The following ABHD12 variants were observed in gnomAD, a reference collection of about 807,000 sequenced individuals.
ABHD12 encodes lysophosphatidylserine lipase ABHD12.
In ABHD12, 43 loss-of-function variants were observed where a neutral mutation model predicts 58.3. The observed-to-expected ratio is 0.74, with a 90% CI of 0.58 to 0.95. ABHD12 has a LOEUF of 0.95. Ranked by LOEUF, ABHD12 falls within the 40% of genes least tolerant of loss-of-function variation. The probability of loss-of-function intolerance (pLI) is 0.00; values close to 1 mark genes in which losing one functional copy is unlikely to be tolerated. For synonymous variants in ABHD12, 219 were observed against 211.2 expected, an observed-to-expected ratio of 1.04 and a Z score of -0.32; for missense variants, 539 against 537.2, an observed-to-expected ratio of 1.00 and a Z score of -0.03.
chr20:25,328,581 A>C (rs1207949638), intron 2 of ABHD12, among the ~76,000 whole-genome samples: 11 of 152,216 alleles, frequency 7.2e-5, no homozygotes. Flanking sequence ...CTTGGAACAC[A>C]AACTGTCCAA....
rs1210173743 is a variant in ABHD12, at chr20:25,328,099, T to C, written c.317-4669A>G. The stretch of plus-strand genomic sequence containing the variant: ...TTTGAGTAATAACAAAACGCCAGTC[T>C]CCTGGAAAAAAAAAAAAAAGAACAC... On this transcript the variant is annotated intron_variant, in intron 2 of 12. Coordinates refer to ENST00000339157, the MANE Select transcript of ABHD12 (RefSeq NM_001042472.3). 3.4e-5 allele frequency among the ~76,000 whole-genome samples: 5 copies of C among 148,456 alleles called. No individual in the cohort carries two copies. In the East Asian group the frequency reaches 5.9e-4, roughly 18 times the overall value.
chr20:25,354,305 G>A (rs561962541), intron 1 of ABHD12, among the ~76,000 whole-genome samples: 3 of 152,346 alleles, frequency 2.0e-5, no homozygotes, highest in African/African-American at 7.2e-5. Flanking sequence ...GACGGACACA[G>A]GGTGCACACT....
chr20:25,319,738 A>T (rs1316423713), intron 4 of ABHD12, among the ~76,000 whole-genome samples: 1 of 152,018 alleles, frequency 6.6e-6, no homozygotes. Flanking sequence ...CAAAGCCCTC[A>T]CTCTCCAAGA....
chr20:25,295,664 G>A (rs1459252820), downstream of ABHD12: 4 of 1,613,234 alleles, frequency 2.5e-6, no homozygotes, highest in African/African-American at 1.3e-5. Context: ...TGGACCAGCT[G>A]TACCGGGTGA....
intron 8 of ABHD12, among the ~76,000 whole-genome samples, 197 bp from the exon 9 acceptor site, chr20:25,308,242 C>A (rs2088782103): frequency 6.6e-6 from 1 of 152,234 alleles, no homozygotes; most frequent in Non-Finnish European, 1.5e-5. Flanking sequence ...TCCTAAAAAG[C>A]AGACTTGCTG....
At chr20:25,360,593 C>T (rs972992740) in intron 1 of ABHD12, among the ~76,000 whole-genome samples, 2 of 152,092 alleles carry the variant, frequency 1.3e-5, no homozygotes, top group African/African-American at 4.8e-5. Context: ...TAACTATTTC[C>T]TCTTAAAATG....
intron 2 of ABHD12, among the ~76,000 whole-genome samples, chr20:25,325,688 G>A (rs561399198): frequency 9.2e-5 from 14 of 152,244 alleles, no homozygotes; most frequent in East Asian, 5.8e-4. Context: ...CCCACACCTC[G>A]ACCTCAGACT....
intron 2 of ABHD12, among the ~76,000 whole-genome samples, chr20:25,329,176 G>A (rs2089226026): frequency 2.6e-5 from 4 of 152,184 alleles, no homozygotes; most frequent in Admixed American, 2.6e-4. Flanking sequence ...AGTCCACCCT[G>A]CCCAGGCCCC....
intron 6 of ABHD12, among the ~76,000 whole-genome samples, chr20:25,312,990 A>G (rs1425814445): frequency 7.6e-6 from 1 of 130,914 alleles, no homozygotes; most frequent in Non-Finnish European, 1.6e-5. Flanking sequence ...CCGGCCAGCC[A>G]CCCCGTCTGG....
chr20:25,361,301 T>A (rs2089743701), intron 1 of ABHD12, among the ~76,000 whole-genome samples: 1 of 152,250 alleles, frequency 6.6e-6, no homozygotes, highest in Non-Finnish European at 1.5e-5. Flanking sequence ...TTTTCAATAT[T>A]GTATGTTCTC....
intron 1 of ABHD12, among the ~76,000 whole-genome samples, chr20:25,354,099 G>A (rs962412472): frequency 6.6e-6 from 1 of 152,244 alleles, no homozygotes; most frequent in Non-Finnish European, 1.5e-5. Flanking sequence ...TAAGGACGGG[G>A]AGGTTCTTAT....
chr20:25,328,982 G>C (rs1433800417), intron 2 of ABHD12, among the ~76,000 whole-genome samples: 1 of 152,230 alleles, frequency 6.6e-6, no homozygotes, highest in African/African-American at 2.4e-5. Flanking sequence ...CTCAAAGTGA[G>C]ATGAGTGGTG....
At chr20:25,308,725 G>A (rs979057206) in intron 7 of ABHD12, among the ~76,000 whole-genome samples, 2 of 152,150 alleles carry the variant, frequency 1.3e-5, no homozygotes, top group African/African-American at 4.8e-5. Flanking sequence ...GCTTGTCCCC[G>A]AGGTGTGTCC....
chr20:25,365,547 A>G (rs1440022189), intron 1 of ABHD12, among the ~76,000 whole-genome samples: 1 of 152,250 alleles, frequency 6.6e-6, no homozygotes, highest in African/African-American at 2.4e-5. Flanking sequence ...ATCACTCTGT[A>G]CATACCTAAT....
intron 1 of ABHD12, among the ~76,000 whole-genome samples, chr20:25,366,504 G>A (rs566836084): frequency 7.2e-5 from 11 of 152,212 alleles, no homozygotes; most frequent in Admixed American, 2.0e-4. Context: ...GACCTCAGTT[G>A]ATCCGCCTGC....
downstream of ABHD12, chr20:25,296,590 C>T: frequency 2.6e-6 from 4 of 1,539,840 alleles, no homozygotes; most frequent in Non-Finnish European, 3.5e-6. Flanking sequence ...CCTTTTTTCC[C>T]CAAACACTTT....
intron 6 of ABHD12, among the ~76,000 whole-genome samples, chr20:25,311,840 G>A (rs966277015): frequency 6.6e-5 from 10 of 152,088 alleles, no homozygotes; most frequent in Non-Finnish European, 1.2e-4. Context: ...GAGTAGCTGG[G>A]ATTACAGGCA....
intron 1 of ABHD12, among the ~76,000 whole-genome samples, chr20:25,377,028 G>A (rs556649758): frequency 4.4e-4 from 67 of 152,320 alleles, no homozygotes; most frequent in African/African-American, 1.5e-3. Context: ...TCTCCCAGGC[G>A]ACCTCATACC....
chr20:25,335,254 G>A (rs2089344568), intron 2 of ABHD12, among the ~76,000 whole-genome samples: 1 of 152,140 alleles, frequency 6.6e-6, no homozygotes, highest in Non-Finnish European at 1.5e-5. Flanking sequence ...AAACCACAAT[G>A]AGATACCATT....
Sources: gnomAD v4.1 joint callset for allele counts (sites outside exome capture counted in the v4.1 genomes callset) on GRCh38, gnomAD v4.1.1 for gene constraint, MANE v1.5 for transcripts, NCBI Gene and HGNC (gene_info 2026-07-23, HGNC 2026-07-21) for gene names.